The following DUSP29 variants were observed in gnomAD, a reference collection of about 807,000 sequenced individuals.
DUSP29 encodes atypical dual-specific protein phosphatase.
Under a neutral mutation model 13.5 loss-of-function variants are expected in DUSP29, and 12 were observed. The observed-to-expected ratio is 0.89, with a 90% CI of 0.57 to 1.44. DUSP29 has a LOEUF of 1.44. Among genes scored for constraint, DUSP29 ranks in the 40% most tolerant of loss-of-function variants. The probability of loss-of-function intolerance (pLI) is 0.00; values close to 1 mark genes in which losing one functional copy is unlikely to be tolerated. For synonymous variants in DUSP29, 134 were observed against 128.7 expected, an observed-to-expected ratio of 1.04 and a Z score of -0.28; for missense variants, 308 against 301.1, an observed-to-expected ratio of 1.02 and a Z score of -0.17.
chr10:75,062,112 C>T (rs534501310), intron 1 of DUSP29, among the ~76,000 whole-genome samples: 1 of 152,292 alleles, frequency 6.6e-6, no homozygotes, highest in East Asian at 1.9e-4. Flanking sequence ...AGAAATCTTT[C>T]TCACAGAAAC....
intron 2 of DUSP29, among the ~76,000 whole-genome samples, chr10:75,053,252 A>T (rs1846886317): frequency 1.3e-5 from 2 of 152,142 alleles, no homozygotes; most frequent in Admixed American, 1.3e-4. Flanking sequence ...CATCCCCTAT[A>T]TTCCAGATGA....
At chr10:75,047,077 G>A (rs746525800) in intron 2 of DUSP29, among the ~76,000 whole-genome samples, 3 of 152,200 alleles carry the variant, frequency 2.0e-5, no homozygotes, top group Non-Finnish European at 2.9e-5. Flanking sequence ...CACCACACCA[G>A]GCTGACGTTG....
intron 2 of DUSP29, among the ~76,000 whole-genome samples, chr10:75,051,233 A>G (rs1472257019): frequency 6.6e-6 from 1 of 152,200 alleles, no homozygotes; most frequent in African/African-American, 2.4e-5. Context: ...CCTGGGTGGC[A>G]AGGCACAGTG....
intron 1 of DUSP29, among the ~76,000 whole-genome samples, chr10:75,070,091 AAGGAAGGAAGGAAGGAAGGAAGG>A (rs1847296075): frequency 1.5e-5 from 1 of 64,672 alleles, no homozygotes; most frequent in East Asian, 9.4e-4. Flanking sequence ...GGAAGGAAGG[AAGGAAGGAAGGAAGGAAGGAAGG>A]AAGGAAGGAA....
chr10:75,059,802 A>G (rs2134299062), intron 1 of DUSP29, among the ~76,000 whole-genome samples: 1 of 152,344 alleles, frequency 6.6e-6, no homozygotes, highest in South Asian at 2.1e-4. Context: ...AAACTGGAAC[A>G]ATTTGAACAT....
intron 1 of DUSP29, among the ~76,000 whole-genome samples, chr10:75,067,741 C>A (rs967022733): frequency 1.3e-5 from 2 of 152,192 alleles, no homozygotes; most frequent in Non-Finnish European, 2.9e-5. Flanking sequence ...TTAAAAAATT[C>A]TCCTCTCCCT....
intron 3 of DUSP29, among the ~76,000 whole-genome samples, chr10:75,042,329 T>C (rs1271726751): frequency 1.3e-5 from 2 of 152,262 alleles, no homozygotes; most frequent in Non-Finnish European, 2.9e-5. Flanking sequence ...AATATAGTAA[T>C]GGCAAGTGAG....
intron 3 of DUSP29, 76 bp from the exon 4 acceptor site, chr10:75,038,153 CCTGA>C (rs747360144): frequency 4.4e-5 from 68 of 1,534,932 alleles, no homozygotes; most frequent in Non-Finnish European, 5.6e-5. Context: ...CCACTCCCAT[CCTGA>C]CTGTCACCCT....
chr10:75,066,936 CTTTTTTCTT>C (rs1459561212), intron 1 of DUSP29, among the ~76,000 whole-genome samples: 22 of 148,268 alleles, frequency 1.5e-4, no homozygotes, highest in Non-Finnish European at 2.1e-4. Context: ...TATTCAATTT[CTTTTTTCTT>C]TTTTTTCTTT....
chr10:75,059,068 A>G (rs1375602702), intron 1 of DUSP29, among the ~76,000 whole-genome samples: 1 of 152,198 alleles, frequency 6.6e-6, no homozygotes, highest in Non-Finnish European at 1.5e-5. Context: ...CACGCACATC[A>G]GCAGGACTTC....
intron 1 of DUSP29, among the ~76,000 whole-genome samples, chr10:75,059,170 T>C (rs1328275416): frequency 1.3e-5 from 2 of 152,344 alleles, no homozygotes; most frequent in East Asian, 1.9e-4. Context: ...ACTGGGAGCC[T>C]GGCCATCACT....
At chr10:75,039,831 A>G (rs1025130788) in intron 3 of DUSP29, among the ~76,000 whole-genome samples, 1 of 152,184 alleles carries the variant, frequency 6.6e-6, no homozygotes, top group Non-Finnish European at 1.5e-5. Flanking sequence ...AACAAGGTGC[A>G]AGGTGTATTA....
chr10:75,046,733 T>G (rs1846715649), intron 2 of DUSP29, among the ~76,000 whole-genome samples: 1 of 152,252 alleles, frequency 6.6e-6, no homozygotes, highest in South Asian at 2.1e-4. Flanking sequence ...TAGAAAGGTC[T>G]GCTTTTCATT....
intron 1 of DUSP29, among the ~76,000 whole-genome samples, chr10:75,064,954 T>C (rs943518547): frequency 7.9e-5 from 12 of 152,158 alleles, no homozygotes; most frequent in Non-Finnish European, 2.9e-5. Context: ...TAAACTGTGC[T>C]GGCCAAGCAG....
At chr10:75,069,439 C>A (rs1041356659) in intron 1 of DUSP29, among the ~76,000 whole-genome samples, 2 of 152,188 alleles carry the variant, frequency 1.3e-5, no homozygotes, top group Non-Finnish European at 2.9e-5. Flanking sequence ...TCACAGGAAC[C>A]ATTTCCCACT....
intron 1 of DUSP29, among the ~76,000 whole-genome samples, chr10:75,060,768 C>T (rs1362475947): frequency 1.3e-5 from 2 of 152,104 alleles, no homozygotes; most frequent in Non-Finnish European, 2.9e-5. Context: ...CATATGCCTT[C>T]GAATAGAAGA....
intron 2 of DUSP29, among the ~76,000 whole-genome samples, chr10:75,051,068 T>G (rs189343707): frequency 0.011 from 1,619 of 152,332 alleles, 8 homozygotes; most frequent in Middle Eastern, 0.024. Context: ...AACTTTGATA[T>G]GGCTGCCTTC....
rs1316171180 is a variant in DUSP29 at position 75,058,357 on chromosome 10, G to T, written c.158C>A (p.Thr53Asn). ...CTTGGGCCAGACCTCGTTGACGTGG[G>T]TGTACTGGGGACTGCCCTTCCAGAA... Reference protein sequence around the residue: ...RLFWKGSPQYTHVNEVWPKLY... With the variant: ...RLFWKGSPQYNHVNEVWPKLY... Residue 53 changes from threonine (T) to asparagine (N), a missense_variant, in exon 2 of 4, where the codon ACC (threonine) becomes AAC (asparagine). By Grantham distance (65) the Thr-to-Asn change is moderately conservative. Coordinates refer to ENST00000338487, the MANE Select transcript of DUSP29 (RefSeq NM_001003892.3). 1 of 1,614,190 alleles carries T rather than the reference G, an allele frequency of 6.2e-7. No homozygotes were observed. Among genetic ancestry groups the T allele is most frequent in the South Asian group, 1.1e-5 (1 of 91,082 alleles).
At chr10:75,049,444 T>C (rs1290257397) in intron 2 of DUSP29, among the ~76,000 whole-genome samples, 1 of 152,234 alleles carries the variant, frequency 6.6e-6, no homozygotes, top group African/African-American at 2.4e-5. Context: ...TTATGTTGCT[T>C]GAGGCCTTGA....
Sources: allele counts gnomAD v4.1 joint callset (sites outside exome capture counted in the v4.1 genomes callset), GRCh38; gene constraint gnomAD v4.1.1; transcripts MANE v1.5; gene names NCBI Gene and HGNC (gene_info 2026-07-23, HGNC 2026-07-21).